URM1: variants seen among roughly 807,000 people sequenced by gnomAD.
URM1 encodes ubiquitin related modifier 1.
Under a neutral mutation model 17.7 loss-of-function variants are expected in URM1, and 11 were observed. That is an observed-to-expected ratio of 0.62 (90% CI 0.39 to 1.03). The LOEUF (loss-of-function observed/expected upper bound fraction) is 1.03. Ranked by LOEUF, URM1 falls within the 50% of genes least tolerant of loss-of-function variation. The pLI is 0.00. For synonymous variants in URM1, 48 were observed against 50.6 expected (o/e 0.95, Z 0.22); for missense variants, 128 against 129.2 (o/e 0.99, Z 0.04).
Position 128,390,021 on chromosome 9 carries a change from G to T in URM1, c.*287G>T. On this transcript the variant is annotated 3_prime_UTR_variant, in exon 5 of 5. Coordinates refer to ENST00000372853, the MANE Select transcript of URM1 (RefSeq NM_030914.4). ...TTTGTCAAGAGTTGAAGGAGGCTCTGTGGCCAGGTGACCTGGCTGCCTTCC... is the reference window on the plus strand; with the variant it reads ...TTTGTCAAGAGTTGAAGGAGGCTCTTTGGCCAGGTGACCTGGCTGCCTTCC... The T allele has an allele frequency of 2.0e-6, 1 of 492,420 alleles. No homozygotes were observed. Among genetic ancestry groups the T allele is most frequent in the Non-Finnish European group, 3.6e-6 (1 of 277,426 alleles). 30.5% of individuals were successfully genotyped at this position (492,420 alleles called of 1,614,324 possible).
chr9:128,389,497 G>A, intron 4 of URM1, 169 bp from the exon 5 acceptor site: 6 of 1,554,916 alleles, frequency 3.9e-6, no homozygotes, highest in Non-Finnish European at 5.2e-6. Context: ...GGACATGGGA[G>A]TACTCCTCCA....
rs1380975308 is a variant in URM1, at chr9:128,387,276, C to G, written c.107-540C>G. 5.9e-5 allele frequency among the ~76,000 whole-genome samples: 9 copies of G among 152,260 alleles called. No homozygotes were observed. The highest frequency in any genetic ancestry group is 5.9e-4 in the Admixed American group (9 of 15,290). ...TCCCTAGCTGGTGAATGATCCTTCTCTCCCTCTGCCAGAGGAAATTAACTG... is the reference window on the plus strand; with the variant it reads ...TCCCTAGCTGGTGAATGATCCTTCTGTCCCTCTGCCAGAGGAAATTAACTG... On this transcript the variant is annotated intron_variant, in intron 2 of 4. Transcript: ENST00000372853. The surrounding 1 kb of genome is among the most constrained non-coding windows in gnomAD (Gnocchi z 4.3).
At chr9:128,385,556 C>A (rs2131298879) in intron 2 of URM1, among the ~76,000 whole-genome samples, 1 of 152,258 alleles carries the variant, frequency 6.6e-6, no homozygotes, top group Non-Finnish European at 1.5e-5. Context: ...GAGTCTCCAG[C>A]CCCTATCTAT....
chr9:128,384,373 C>T (rs950271737), intron 2 of URM1, among the ~76,000 whole-genome samples: 2 of 152,218 alleles, frequency 1.3e-5, no homozygotes, highest in African/African-American at 2.4e-5. Flanking sequence ...AGTGTCATTC[C>T]TACCACCTGG....
At chr9:128,372,339 A>G (rs1049006028) in intron 1 of URM1, among the ~76,000 whole-genome samples, 5 of 151,806 alleles carry the variant, frequency 3.3e-5, no homozygotes, top group Admixed American at 2.6e-4. Flanking sequence ...GCCAAGGTCT[A>G]TGTGACAGGA....
chr9:128,372,891 T>C (rs527331228), intron 1 of URM1, among the ~76,000 whole-genome samples: 55 of 150,796 alleles, frequency 3.6e-4, no homozygotes, highest in African/African-American at 1.3e-3. Context: ...CTTGGCAACA[T>C]GGGGAGACTT....
Position 128,388,738 on chromosome 9 carries a change from A to T in URM1, c.189-523A>T, listed in dbSNP as rs532247545. 7 of 987,260 alleles carry T rather than the reference A, an allele frequency of 7.1e-6. No individual in the cohort carries two copies. In the South Asian group the frequency reaches 2.8e-4, roughly 40 times the overall value. The allele number at this position is 987,260 out of a possible 1,614,324, so 61.2% of individuals were successfully genotyped here. A position where few individuals can be genotyped will look rare whatever the true frequency, so the allele number is the denominator to read the frequency against. On this transcript the variant is annotated intron_variant, in intron 3 of 4. Coordinates refer to ENST00000372853, the MANE Select transcript of URM1 (RefSeq NM_030914.4). Reference sequence around the variant, plus strand: ...GGCAGGACTGCACGTGAGCATTGCCATGTGGCATGGCAACTGATTCGGAAG... The same window carrying T: ...GGCAGGACTGCACGTGAGCATTGCCTTGTGGCATGGCAACTGATTCGGAAG...
intron 1 of URM1, among the ~76,000 whole-genome samples, chr9:128,373,713 C>T: frequency 6.6e-6 from 1 of 152,128 alleles, no homozygotes; most frequent in East Asian, 1.9e-4. Context: ...CCGTCCCACC[C>T]CTCTTCCTCC....
At chr9:128,385,769 T>A (rs1233210421) in intron 2 of URM1, among the ~76,000 whole-genome samples, 5 of 151,572 alleles carry the variant, frequency 3.3e-5, no homozygotes, top group Admixed American at 3.3e-4. Flanking sequence ...GAGCCATGAG[T>A]TCCCCCTCTC....
At chr9:128,380,476 A>G (rs1466417841) in intron 2 of URM1, among the ~76,000 whole-genome samples, 2 of 152,130 alleles carry the variant, frequency 1.3e-5, no homozygotes, top group African/African-American at 4.8e-5. Flanking sequence ...ACAGATGGCC[A>G]TGCAGCCTTG....
At position 128,390,574 on chromosome 9, in the gene URM1, G is replaced by A. The variant is rs147022760; in HGVS notation, c.*840G>A. ...GAGATACTTGATGGCGCGAATGTCC[G>A]TTTTCTCTCCCTTCCCACCTCCTGC... On this transcript the variant is annotated 3_prime_UTR_variant, in exon 5 of 5. Transcript: ENST00000372853. 6.0e-3 allele frequency: 917 copies of A among 152,406 alleles called. 5 individuals carry two copies. Among genetic ancestry groups the A allele is most frequent in the Non-Finnish European group, 8.0e-3 (544 of 68,072 alleles). The allele number at this position is 152,406 out of a possible 1,614,324, so 9.4% of individuals were successfully genotyped here. A position where few individuals can be genotyped will look rare whatever the true frequency, so the allele number is the denominator to read the frequency against.
At position 128,390,730 on chromosome 9, in the gene URM1, T is replaced by G. The variant is rs890578341; in HGVS notation, c.*996T>G. 1 of 152,496 alleles carries G rather than the reference T, an allele frequency of 6.6e-6. No individual in the cohort carries two copies. Among genetic ancestry groups the G allele is most frequent in the Non-Finnish European group, 1.5e-5 (1 of 68,066 alleles). 9.4% of individuals were successfully genotyped at this position (152,496 alleles called of 1,614,324 possible). ...TGGGCAAATAAAAGACTAGGTTGTT[T>G]ACTAGCCTTGCTTGGAGCTTCATCC... On this transcript the variant is annotated 3_prime_UTR_variant, in exon 5 of 5. Coordinates refer to ENST00000372853, the MANE Select transcript of URM1 (RefSeq NM_030914.4).
chr9:128,377,447 C>T (rs1393881443), intron 1 of URM1, among the ~76,000 whole-genome samples: 3 of 152,044 alleles, frequency 2.0e-5, no homozygotes, highest in South Asian at 2.1e-4. Flanking sequence ...CCAAGGTGGG[C>T]GGATCACCTG....
chr9:128,388,462 T>G, intron 3 of URM1: 1 of 986,078 alleles, frequency 1.0e-6, no homozygotes, highest in African/African-American at 1.7e-5. Context: ...TGCCACGAAG[T>G]TACTTCTAAA....
intron 2 of URM1, among the ~76,000 whole-genome samples, chr9:128,379,799 C>CAAAAA (rs1280151195): frequency 4.1e-5 from 6 of 145,008 alleles, no homozygotes; most frequent in East Asian, 2.1e-4. Flanking sequence ...GACTCCATCT[C>CAAAAA]AAAAAAAAAT....
intron 2 of URM1, among the ~76,000 whole-genome samples, chr9:128,383,018 T>C (rs556511417): frequency 5.9e-5 from 9 of 152,244 alleles, no homozygotes; most frequent in East Asian, 5.8e-4. Flanking sequence ...CTCTGCCTGC[T>C]CCACTTGTGT....
At chr9:128,380,142 T>C (rs1455165021) in intron 2 of URM1, among the ~76,000 whole-genome samples, 2 of 151,684 alleles carry the variant, frequency 1.3e-5, no homozygotes, top group Non-Finnish European at 2.9e-5. Context: ...AAGCAGAATA[T>C]GTATGGGGAG....
At chr9:128,388,770 A>G (rs1288290805) in intron 3 of URM1, 1 of 987,370 alleles carries the variant, frequency 1.0e-6, no homozygotes, top group African/African-American at 1.7e-5. Flanking sequence ...GAAGAGGCAA[A>G]ACAGCCTTCT....
intron 4 of URM1, 32 bp from the exon 5 acceptor site, chr9:128,389,634 A>AG: frequency 6.2e-7 from 1 of 1,612,730 alleles, no homozygotes; most frequent in South Asian, 1.1e-5. Context: ...GGTGGCCCTG[A>AG]GGGTCTCCCG....
Sources: allele counts gnomAD v4.1 joint callset (sites outside exome capture counted in the v4.1 genomes callset), GRCh38; gene constraint gnomAD v4.1.1; non-coding constraint Gnocchi (gnomAD v3.1); transcripts MANE v1.5; gene names NCBI Gene and HGNC (gene_info 2026-07-23, HGNC 2026-07-21).